FOCAD: variants seen among roughly 807,000 people sequenced by gnomAD.
The protein encoded by FOCAD is focadhesin, also known as KIAA1797.
FOCAD carries 198 observed loss-of-function variants against 225.6 expected under a neutral mutation model. That is an observed-to-expected ratio of 0.88 (90% CI 0.78 to 0.99). The LOEUF (loss-of-function observed/expected upper bound fraction) is 0.99. Ranked by LOEUF, FOCAD falls within the 50% of genes least tolerant of loss-of-function variation. The pLI, the probability that FOCAD is intolerant of heterozygous loss-of-function variation, is 0.00. For missense variants in FOCAD, 2,713 were observed against 2,123.6 expected (o/e 1.28, Z -5.46); for synonymous variants, 897 against 755.0 (o/e 1.19, Z -3.08).
intron 35 of FOCAD, among the ~76,000 whole-genome samples, chr9:20,968,053 G>A (rs1363680576): frequency 6.6e-6 from 1 of 152,018 alleles, no homozygotes; most frequent in Non-Finnish European, 1.5e-5. Context: ...TTAAGTGTCC[G>A]GGAGAATTCA....
At chr9:20,772,233 GAAGATGATTAA>G (rs1818313106) in intron 8 of FOCAD, among the ~76,000 whole-genome samples, 1 of 152,280 alleles carries the variant, frequency 6.6e-6, no homozygotes, top group African/African-American at 2.4e-5. Flanking sequence ...ATGTTGGAGG[GAAGATGATTAA>G]TTAGATTTCA....
intron 2 of FOCAD, 73 bp downstream of exon 2, chr9:20,715,483 A>G (rs916857307): frequency 7.7e-6 from 5 of 648,722 alleles, no homozygotes; most frequent in African/African-American, 1.9e-5. Context: ...TGAACTTTAT[A>G]TATTTAATAT....
At chr9:20,943,612 C>G (rs1260443505) in intron 28 of FOCAD, among the ~76,000 whole-genome samples, 2 of 152,166 alleles carry the variant, frequency 1.3e-5, no homozygotes, top group East Asian at 3.9e-4. Context: ...TAAAATTATG[C>G]AAATGTTCTT....
At chr9:20,813,877 G>A (rs754235522) in intron 11 of FOCAD, among the ~76,000 whole-genome samples, 5 of 152,068 alleles carry the variant, frequency 3.3e-5, no homozygotes, top group East Asian at 1.9e-4. Flanking sequence ...CTTTGGTTCT[G>A]TCAATGTTTG....
At chr9:20,685,788 C>T (rs1479147097) in intron 1 of FOCAD, among the ~76,000 whole-genome samples, 2 of 152,100 alleles carry the variant, frequency 1.3e-5, no homozygotes, top group African/African-American at 2.4e-5. Flanking sequence ...TTTCATTAAC[C>T]CCAAATTTAC....
At chr9:20,777,903 C>T (rs1240224931) in intron 8 of FOCAD, among the ~76,000 whole-genome samples, 2 of 151,558 alleles carry the variant, frequency 1.3e-5, no homozygotes, top group African/African-American at 4.8e-5. Flanking sequence ...GAGATCGAGA[C>T]CACGGTGAAA....
chr9:20,963,899 C>T (rs1409472494), intron 35 of FOCAD, among the ~76,000 whole-genome samples: 1 of 152,158 alleles, frequency 6.6e-6, no homozygotes, highest in Non-Finnish European at 1.5e-5. Flanking sequence ...TGTTTCTTCT[C>T]ACGTTAGAAT....
chr9:20,730,797 CAT>C (rs1164332512), intron 4 of FOCAD, among the ~76,000 whole-genome samples: 1 of 152,108 alleles, frequency 6.6e-6, no homozygotes, highest in Non-Finnish European at 1.5e-5. Context: ...GGGCAATCCT[CAT>C]AGCAGTTAAA....
chr9:20,762,777 G>A (rs1829724253), intron 6 of FOCAD, among the ~76,000 whole-genome samples: 1 of 151,984 alleles, frequency 6.6e-6, no homozygotes, highest in Non-Finnish European at 1.5e-5. Context: ...TCACCCCGTA[G>A]TGAACAAAGT....
At chr9:20,686,616 A>G (rs1822682409) in intron 1 of FOCAD, among the ~76,000 whole-genome samples, 1 of 152,256 alleles carries the variant, frequency 6.6e-6, no homozygotes, top group Non-Finnish European at 1.5e-5. Flanking sequence ...TTCTTGATGT[A>G]TAACAAAGAA....
rs1453489777 is a variant in FOCAD at position 20,770,059 on chromosome 9, G to T, written c.727G>T (p.Ala243Ser). 2 of 1,613,870 alleles carry T rather than the reference G, an allele frequency of 1.2e-6. No individual in the cohort carries two copies. Among genetic ancestry groups the T allele is most frequent in the African/African-American group, 2.7e-5 (2 of 74,898 alleles). The change falls in exon 8 of 44, where the codon GCG (alanine) becomes TCG (serine). Residue 243 changes from alanine to serine, a missense_variant. Physicochemically the swap from Ala to Ser is moderately conservative, Grantham distance 99 (BLOSUM62 1). Coordinates refer to ENST00000338382, the MANE Select transcript of FOCAD (RefSeq NM_001375567.1). ...QVKDLIQTTEAMMFIEEVCLS... is the reference protein window; with the variant it reads ...QVKDLIQTTESMMFIEEVCLS... ...AAAAGATTTGATACAGACAACAGAGGCGATGATGTTTATTGAGGAAGTATG... is the reference window on the plus strand; with the variant it reads ...AAAAGATTTGATACAGACAACAGAGTCGATGATGTTTATTGAGGAAGTATG...
At chr9:20,665,014 G>T (rs550975478) in intron 2 of FOCAD, among the ~76,000 whole-genome samples, 1 of 151,968 alleles carries the variant, frequency 6.6e-6, no homozygotes, top group Non-Finnish European at 1.5e-5. Flanking sequence ...CGAATAAGTT[G>T]GTGGTAACAT....
intron 1 of FOCAD, among the ~76,000 whole-genome samples, chr9:20,691,833 G>A (rs1563880246): frequency 6.6e-6 from 1 of 151,676 alleles, no homozygotes; most frequent in African/African-American, 2.4e-5. Flanking sequence ...GAGTGCACTG[G>A]CACGATCTCG....
Position 20,962,135 on chromosome 9 carries a change from A to T in FOCAD, c.4132+9070A>T, listed in dbSNP as rs890659615. On this transcript the variant is annotated intron_variant, in intron 35 of 43. Transcript: ENST00000338382. ...TAAATATTCTTTCCTTGGTGGGGGA[A>T]GATAGGGGCTTCCGTGATGTTCCCA... is the stretch of plus-strand genomic sequence containing the variant. Among the ~76,000 whole-genome samples the T allele has an allele frequency of 9.9e-4, 150 of 152,164 alleles. 1 individual carries two copies. The highest frequency in any genetic ancestry group is 3.4e-3 in the African/African-American group (142 of 41,484).
At chr9:20,743,197 T>A (rs2131681318) in intron 5 of FOCAD, among the ~76,000 whole-genome samples, 1 of 152,312 alleles carries the variant, frequency 6.6e-6, no homozygotes, top group South Asian at 2.1e-4. Flanking sequence ...GAGCTGTGTA[T>A]GAAAGCATAA....
At chr9:20,928,626 G>C (rs1835178988) in intron 26 of FOCAD, among the ~76,000 whole-genome samples, 1 of 152,116 alleles carries the variant, frequency 6.6e-6, no homozygotes. Context: ...CAGCTGCTCT[G>C]TCATTTTATT....
chr9:20,836,777 A>G (rs1023804625), intron 15 of FOCAD, among the ~76,000 whole-genome samples: 4 of 151,986 alleles, frequency 2.6e-5, no homozygotes, highest in Non-Finnish European at 5.9e-5. Context: ...ATTTTTTTTA[A>G]TAGAATACCA....
In FOCAD at chr9:20,866,986, C is replaced by A. The variant is rs565643995; in HGVS notation, c.2164C>A (p.His722Asn). 1 of 1,436,400 alleles carries A rather than the reference C, an allele frequency of 7.0e-7. No individual in the cohort carries two copies. Among genetic ancestry groups the A allele is most frequent in the Non-Finnish European group, 9.3e-7 (1 of 1,073,480 alleles). 89.0% of individuals were successfully genotyped at this position (1,436,400 alleles called of 1,614,324 possible). ...CCTGGCCAACTTTAGTGCAGGAGAA[C>A]ACACCATTCTTCATCTGCCTGAAAA... ...RSLANFSAGEHTILHLPEKIR... is the reference protein window; with the variant it reads ...RSLANFSAGENTILHLPEKIR... Residue 722 changes from histidine to asparagine, a missense_variant, in exon 18 of 44, where the codon CAC becomes AAC. His to Asn is a moderately conservative substitution (Grantham distance 68). Transcript: ENST00000338382.
intron 43 of FOCAD, among the ~76,000 whole-genome samples, chr9:20,995,269 C>T (rs566472555): frequency 2.6e-4 from 39 of 151,704 alleles, no homozygotes; most frequent in African/African-American, 8.9e-4. Flanking sequence ...AGTCAGCACC[C>T]TCATCAAGGA....
Sources: allele counts gnomAD v4.1 joint callset (sites outside exome capture counted in the v4.1 genomes callset), GRCh38; gene constraint gnomAD v4.1.1; transcripts MANE v1.5; gene names NCBI Gene and HGNC (gene_info 2026-07-23, HGNC 2026-07-21).